The following NPAS3 variants were observed in gnomAD, a reference collection of about 807,000 sequenced individuals.
NPAS3 encodes neuronal PAS domain-containing protein 3.
NPAS3 carries 14 observed loss-of-function variants against 73.1 expected under a neutral mutation model. The observed-to-expected ratio is 0.19, with a 90% CI of 0.13 to 0.30. The LOEUF (loss-of-function observed/expected upper bound fraction) is 0.30, where lower values mean the gene tolerates loss of function less well. NPAS3 is among the 10% of genes least tolerant of loss of function. The pLI, the probability that NPAS3 is intolerant of heterozygous loss-of-function variation, is 1.00. For missense variants in NPAS3, 1,096 were observed against 1,250.0 expected, an observed-to-expected ratio of 0.88 and a Z score of 1.86; for synonymous variants, 620 against 541.5, an observed-to-expected ratio of 1.14 and a Z score of -2.01.
chr14:33,445,756 T>C (rs2049457688), intron 4 of NPAS3, among the ~76,000 whole-genome samples: 1 of 152,176 alleles, frequency 6.6e-6, no homozygotes, highest in Admixed American at 6.5e-5. Flanking sequence ...AATTTGCAGG[T>C]TCAGTGGCAT....
At chr14:33,689,096 G>A (rs147771013) in intron 6 of NPAS3, among the ~76,000 whole-genome samples, 27 of 152,310 alleles carry the variant, frequency 1.8e-4, no homozygotes, top group Admixed American at 3.9e-4. Context: ...GTACAAATAC[G>A]TAGTACGTAG....
At chr14:33,789,649 C>T (rs1266670427) in intron 9 of NPAS3, among the ~76,000 whole-genome samples, 2 of 121,002 alleles carry the variant, frequency 1.7e-5, no homozygotes, top group Non-Finnish European at 3.2e-5. Flanking sequence ...AGTGCAGTGG[C>T]GGGATCTCGG....
At chr14:33,366,202 G>T (rs1321020940) in intron 3 of NPAS3, among the ~76,000 whole-genome samples, 21 of 151,998 alleles carry the variant, frequency 1.4e-4, no homozygotes, top group Non-Finnish European at 2.9e-5. Flanking sequence ...CTCTGAATCT[G>T]CTGTGATTCT....
At chr14:33,380,872 A>G (rs1315150) in intron 4 of NPAS3, among the ~76,000 whole-genome samples, 70,014 of 151,902 alleles carry the variant, frequency 0.46, 16,596 homozygotes, top group Middle Eastern at 0.51. Context: ...CCTTTAGGCC[A>G]CCACAAAAAT....
chr14:33,578,518 A>G (rs1369427434), intron 5 of NPAS3, among the ~76,000 whole-genome samples: 1 of 152,138 alleles, frequency 6.6e-6, no homozygotes, highest in African/African-American at 2.4e-5. Flanking sequence ...TTGCACACTC[A>G]GGGGTTTGGC....
chr14:33,502,073 TG>T (rs1037679961), intron 4 of NPAS3, among the ~76,000 whole-genome samples: 3 of 152,026 alleles, frequency 2.0e-5, no homozygotes, highest in East Asian at 2.0e-4. Context: ...ATATTATTTA[TG>T]GGTTCCCAAA....
intron 4 of NPAS3, among the ~76,000 whole-genome samples, chr14:33,504,633 T>A (rs2052672195): frequency 1.3e-5 from 2 of 152,018 alleles, no homozygotes; most frequent in Non-Finnish European, 2.9e-5. Flanking sequence ...TTTTCTTCAG[T>A]TCCCTATTCA....
chr14:33,367,097 A>G lies in NPAS3; in HGVS notation c.386-89A>G, dbSNP rs564919589. ...ATCTCATTGTAATACTAAATAGTCA[A>G]TGATGCCATTCAAGAGAAACTAAGC... is the stretch of plus-strand genomic sequence containing the variant. On this transcript the variant is annotated intron_variant, in intron 3 of 11. Coordinates refer to ENST00000356141, the Ensembl canonical transcript of NPAS3. 106 of 640,752 alleles carry G rather than the reference A, an allele frequency of 1.7e-4. No homozygotes were observed. In the South Asian group the frequency reaches 2.1e-3, roughly 12 times the overall value. 39.7% of individuals were successfully genotyped at this position (640,752 alleles called of 1,614,324 possible).
At chr14:33,330,595 G>A (rs1306519917) in intron 3 of NPAS3, among the ~76,000 whole-genome samples, 1 of 152,152 alleles carries the variant, frequency 6.6e-6, no homozygotes. Context: ...TCTATTCACT[G>A]TGTACTAAAT....
chr14:33,390,280 G>A (rs1308628552), intron 4 of NPAS3, among the ~76,000 whole-genome samples: 1 of 152,008 alleles, frequency 6.6e-6, no homozygotes, highest in East Asian at 1.9e-4. Flanking sequence ...CTTGTCTTTT[G>A]TCATAAAGAC....
At position 33,735,341 on chromosome 14, in the gene NPAS3, G is replaced by T; in HGVS notation, c.852+9G>T. ...AATCATCAGGATATAAGGTAAGCCGGTTCCGGGAGGGGAGACATTGCTGTC... is the reference window on the plus strand; with the variant it reads ...AATCATCAGGATATAAGGTAAGCCGTTTCCGGGAGGGGAGACATTGCTGTC... On this transcript the variant is annotated intron_variant, in intron 7 of 11. Coordinates refer to ENST00000356141, the Ensembl canonical transcript of NPAS3. 6.3e-7 allele frequency: 1 copy of T among 1,588,120 alleles called. No individual in the cohort carries two copies. Among genetic ancestry groups the T allele is most frequent in the Admixed American group, 1.7e-5 (1 of 59,946 alleles).
intron 1 of NPAS3, among the ~76,000 whole-genome samples, chr14:33,026,220 C>T (rs867228516): frequency 3.0e-4 from 45 of 152,174 alleles, no homozygotes; most frequent in African/African-American, 1.1e-3. Context: ...TCTGGCTGGC[C>T]CCAATTCAAC....
At chr14:33,647,824 A>G (rs1275308618) in intron 5 of NPAS3, among the ~76,000 whole-genome samples, 16 of 152,166 alleles carry the variant, frequency 1.1e-4, no homozygotes. Context: ...CATTGATAAT[A>G]TTTTTAATTC....
At chr14:33,468,060 C>G (rs964518989) in intron 4 of NPAS3, among the ~76,000 whole-genome samples, 17 of 152,202 alleles carry the variant, frequency 1.1e-4, no homozygotes, top group Non-Finnish European at 2.4e-4. Flanking sequence ...TCATGCCCCC[C>G]AAGAGTACAA....
intron 3 of NPAS3, among the ~76,000 whole-genome samples, chr14:33,357,948 A>T (rs1435052985): frequency 6.6e-6 from 1 of 152,178 alleles, no homozygotes; most frequent in Non-Finnish European, 1.5e-5. Context: ...AAAATGGAGG[A>T]TTTAAAACTT....
chr14:33,709,332 G>T (rs1015323), intron 6 of NPAS3, among the ~76,000 whole-genome samples: 1 of 152,268 alleles, frequency 6.6e-6, no homozygotes, highest in African/African-American at 2.4e-5. Flanking sequence ...AGGAAAAACC[G>T]TCCCACCCCG....
intron 4 of NPAS3, among the ~76,000 whole-genome samples, chr14:33,430,831 A>G (rs529548977): frequency 1.9e-4 from 29 of 152,266 alleles, no homozygotes; most frequent in Non-Finnish European, 3.4e-4. Flanking sequence ...ACAAAACATC[A>G]CAGCAGGGGC....
intron 1 of NPAS3, among the ~76,000 whole-genome samples, chr14:32,944,797 A>T (rs988389057): frequency 1.3e-5 from 2 of 152,266 alleles, no homozygotes; most frequent in Admixed American, 6.5e-5. Context: ...ATTAAACAAT[A>T]GTTGAAGTTT....
At chr14:33,154,436 G>A (rs2044574483) in intron 2 of NPAS3, among the ~76,000 whole-genome samples, 1 of 152,228 alleles carries the variant, frequency 6.6e-6, no homozygotes, top group Admixed American at 6.5e-5. Flanking sequence ...GCTGCGCTTT[G>A]AGCCCCATCG....
Sources: gnomAD v4.1 joint callset for allele counts (sites outside exome capture counted in the v4.1 genomes callset) on GRCh38, gnomAD v4.1.1 for gene constraint, MANE v1.5 for transcripts, NCBI Gene and HGNC (gene_info 2026-07-23, HGNC 2026-07-21) for gene names.